B3GALT1: variants seen among roughly 807,000 people sequenced by gnomAD.
The protein encoded by B3GALT1 is UDP-Gal:betaGlcNAc beta 1,3-galactosyltransferase, polypeptide 1.
A neutral mutation model predicts 23.2 loss-of-function variants in B3GALT1; 10 were observed. That is an observed-to-expected ratio of 0.43 (90% confidence interval 0.27 to 0.73). B3GALT1 has a LOEUF of 0.73. Ranked by LOEUF, B3GALT1 falls within the 30% of genes least tolerant of loss-of-function variation. The pLI is 0.21. For missense variants in B3GALT1, 299 were observed against 405.4 expected (o/e 0.74, Z 2.25); for synonymous variants, 156 against 141.5 (o/e 1.10, Z -0.73).
intron 2 of B3GALT1, among the ~76,000 whole-genome samples, chr2:167,576,113 C>G (rs1265134822): frequency 6.6e-6 from 1 of 151,722 alleles, no homozygotes; most frequent in East Asian, 1.9e-4. Context: ...GATTTTTGTT[C>G]CAGGTGATGT....
At chr2:167,512,568 G>GTGTATATATA in intron 2 of B3GALT1, among the ~76,000 whole-genome samples, 2 of 38,736 alleles carry the variant, frequency 5.2e-5, no homozygotes, top group African/African-American at 3.1e-4. Flanking sequence ...ATATATATAT[G>GTGTATATATA]TATATATATA....
chr2:167,486,297 T>TG (rs1373978000), intron 1 of B3GALT1, among the ~76,000 whole-genome samples: 1 of 146,720 alleles, frequency 6.8e-6, no homozygotes, highest in Non-Finnish European at 1.5e-5. Flanking sequence ...AGGCAGAAGT[T>TG]GCAGTTAGCC....
rs145817583 is a variant in B3GALT1, at chr2:167,829,155, A to G, written c.-230+10362A>G. On this transcript the variant is annotated intron_variant, in intron 4 of 4. Transcript: ENST00000392690. ...GATTGTCTATAATGTCCTACTCACT[A>G]TATCAGACATTTTTCAAAAATTATT... is the stretch of plus-strand genomic sequence containing the variant. Among the ~76,000 whole-genome samples the G allele has an allele frequency of 2.4e-3, 363 of 152,298 alleles. 2 individuals are homozygous for G. Among genetic ancestry groups the G allele is most frequent in the African/African-American group, 8.0e-3 (333 of 41,568 alleles).
intron 2 of B3GALT1, among the ~76,000 whole-genome samples, chr2:167,611,732 A>G (rs1230649244): frequency 6.6e-6 from 1 of 151,966 alleles, no homozygotes; most frequent in African/African-American, 2.4e-5. Flanking sequence ...ATCTCAGCCA[A>G]TATCCACCCT....
chr2:167,753,998 C>T (rs1687778214), intron 3 of B3GALT1, among the ~76,000 whole-genome samples: 1 of 151,982 alleles, frequency 6.6e-6, no homozygotes, highest in African/African-American at 2.4e-5. Flanking sequence ...GTTTCAAATG[C>T]CAGTTGCTTA....
intron 3 of B3GALT1, among the ~76,000 whole-genome samples, chr2:167,698,864 T>G (rs1198550142): frequency 2.0e-5 from 3 of 152,212 alleles, no homozygotes; most frequent in Non-Finnish European, 4.4e-5. Context: ...GCAGGAATTT[T>G]GAACTTTTCA....
intron 2 of B3GALT1, among the ~76,000 whole-genome samples, chr2:167,564,070 G>A (rs1200498710): frequency 6.6e-6 from 1 of 151,564 alleles, no homozygotes; most frequent in African/African-American, 2.4e-5. Flanking sequence ...CCCAGACGGG[G>A]CGGCTGCCGG....
At chr2:167,790,016 A>G (rs887376844) in intron 3 of B3GALT1, among the ~76,000 whole-genome samples, 3 of 152,214 alleles carry the variant, frequency 2.0e-5, no homozygotes, top group Non-Finnish European at 4.4e-5. Flanking sequence ...TAATAACTAA[A>G]GACAATTACA....
intron 2 of B3GALT1, among the ~76,000 whole-genome samples, chr2:167,605,111 A>G (rs1037669699): frequency 2.0e-5 from 3 of 152,116 alleles, no homozygotes; most frequent in African/African-American, 4.8e-5. Context: ...CCATACCCCA[A>G]TGCTTTGGCA....
intron 2 of B3GALT1, among the ~76,000 whole-genome samples, chr2:167,565,259 G>T (rs1171151284): frequency 1.3e-5 from 2 of 152,218 alleles, no homozygotes; most frequent in Middle Eastern, 3.2e-3. Flanking sequence ...AATGGGGAAA[G>T]GATTCCCTAT....
At chr2:167,686,879 GCCCT>G (rs1472219086) in intron 3 of B3GALT1, among the ~76,000 whole-genome samples, 1 of 152,130 alleles carries the variant, frequency 6.6e-6, no homozygotes, top group Non-Finnish European at 1.5e-5. Context: ...AGCACGTCAG[GCCCT>G]CTGCTGATTC....
chr2:167,638,186 A>G (rs1558932953), intron 2 of B3GALT1, among the ~76,000 whole-genome samples: 1 of 152,094 alleles, frequency 6.6e-6, no homozygotes, highest in Non-Finnish European at 1.5e-5. Context: ...CAATTTGAAA[A>G]TTAAGCTCAG....
intron 2 of B3GALT1, among the ~76,000 whole-genome samples, chr2:167,542,045 C>G (rs1411683904): frequency 1.3e-5 from 2 of 152,070 alleles, no homozygotes; most frequent in African/African-American, 2.4e-5. Flanking sequence ...TTAAGTCCTT[C>G]TGAACCTATT....
intron 4 of B3GALT1, among the ~76,000 whole-genome samples, chr2:167,864,207 G>A (rs913013412): frequency 2.0e-5 from 3 of 152,082 alleles, no homozygotes; most frequent in Non-Finnish European, 4.4e-5. Context: ...CAGTGTGTAG[G>A]AAACTAGAAT....
At chr2:167,485,962 A>C (rs542025615) in intron 1 of B3GALT1, among the ~76,000 whole-genome samples, 1 of 152,346 alleles carries the variant, frequency 6.6e-6, no homozygotes, top group Admixed American at 6.5e-5. Flanking sequence ...TTACTGGAGA[A>C]GAAAGCCATG....
At chr2:167,382,046 A>G (rs891094786) in intron 1 of B3GALT1, among the ~76,000 whole-genome samples, 7 of 152,200 alleles carry the variant, frequency 4.6e-5, no homozygotes, top group Admixed American at 1.3e-4. Flanking sequence ...TGTACAATAG[A>G]AATAAGTTAT....
intron 1 of B3GALT1, among the ~76,000 whole-genome samples, chr2:167,461,670 T>A (rs1699260873): frequency 6.6e-6 from 1 of 152,218 alleles, no homozygotes; most frequent in African/African-American, 2.4e-5. Flanking sequence ...CAAATGAAGT[T>A]GTAAAATGTA....
intron 1 of B3GALT1, among the ~76,000 whole-genome samples, chr2:167,429,250 C>T (rs1698670349): frequency 1.4e-5 from 2 of 146,918 alleles, no homozygotes; most frequent in South Asian, 4.3e-4. Flanking sequence ...CGCTGCACTC[C>T]AGCCTGGGTG....
At chr2:167,543,515 A>G (rs1250116917) in intron 2 of B3GALT1, among the ~76,000 whole-genome samples, 2 of 152,228 alleles carry the variant, frequency 1.3e-5, no homozygotes, top group Non-Finnish European at 1.5e-5. Context: ...AAGAAAAATT[A>G]TGAAAAAAGC....
Sources: allele counts gnomAD v4.1 joint callset (sites outside exome capture counted in the v4.1 genomes callset), GRCh38; gene constraint gnomAD v4.1.1; transcripts MANE v1.5; gene names NCBI Gene and HGNC (gene_info 2026-07-23, HGNC 2026-07-21).